Variants in RYK observed in about 807,000 individuals in gnomAD.
The protein encoded by RYK is receptor like tyrosine kinase.
In RYK, 21 loss-of-function variants were observed where a neutral mutation model predicts 70.2. That is an observed-to-expected ratio of 0.30 (90% CI 0.21 to 0.43). The LOEUF (loss-of-function observed/expected upper bound fraction) is 0.43, where lower values mean the gene tolerates loss of function less well. RYK is among the 20% of genes least tolerant of loss of function. The pLI is 1.00. For synonymous variants in RYK, 267 were observed against 278.0 expected (o/e 0.96, Z 0.39); for missense variants, 604 against 753.3 (o/e 0.80, Z 2.32).
intron 1 of RYK, among the ~76,000 whole-genome samples, chr3:134,244,280 CCA>C (rs1191143837): frequency 2.0e-5 from 3 of 152,116 alleles, no homozygotes; most frequent in South Asian, 2.1e-4. Flanking sequence ...CTCCGGAATT[CCA>C]CAGAGCTCAG....
intron 2 of RYK, 85 bp downstream of exon 2, chr3:134,222,333 G>T: frequency 7.0e-7 from 1 of 1,424,008 alleles, no homozygotes; most frequent in Non-Finnish European, 9.9e-7. Context: ...CTTCAGTACA[G>T]ACAGCAGCCC....
intron 6 of RYK, among the ~76,000 whole-genome samples, chr3:134,200,990 T>C (rs1256874507): frequency 2.6e-5 from 4 of 152,224 alleles, no homozygotes; most frequent in Admixed American, 6.5e-5. Flanking sequence ...AATTCTGGCC[T>C]ATGTGGGCTC....
chr3:134,223,479 CAAAA>C (rs2107686009), intron 1 of RYK, among the ~76,000 whole-genome samples: 1 of 151,590 alleles, frequency 6.6e-6, no homozygotes, highest in Non-Finnish European at 1.5e-5. Context: ...ATCAAAAAAA[CAAAA>C]GAAAAACAAA....
chr3:134,248,628 C>T (rs189809836), intron 1 of RYK, among the ~76,000 whole-genome samples: 78 of 152,146 alleles, frequency 5.1e-4, no homozygotes, highest in African/African-American at 1.9e-3. Context: ...ACCAGCCTGA[C>T]CAACATGGTG....
chr3:134,236,378 C>G (rs2015201661), intron 1 of RYK, among the ~76,000 whole-genome samples: 1 of 152,204 alleles, frequency 6.6e-6, no homozygotes, highest in South Asian at 2.1e-4. Flanking sequence ...GAATAAAATA[C>G]TTAGGAATAA....
chr3:134,245,326 T>G (rs772994141), intron 1 of RYK, among the ~76,000 whole-genome samples: 1 of 152,012 alleles, frequency 6.6e-6, no homozygotes, highest in Non-Finnish European at 1.5e-5. Flanking sequence ...GGAATGACCA[T>G]AATCCCTTAC....
intron 2 of RYK, among the ~76,000 whole-genome samples, chr3:134,212,967 A>G (rs2014446175): frequency 6.6e-6 from 1 of 152,206 alleles, no homozygotes; most frequent in African/African-American, 2.4e-5. Context: ...GCTGTGTTTG[A>G]TAAGTGCCAC....
At chr3:134,246,696 C>T (rs955753325) in intron 1 of RYK, among the ~76,000 whole-genome samples, 3 of 152,126 alleles carry the variant, frequency 2.0e-5, no homozygotes, top group Non-Finnish European at 2.9e-5. Context: ...AGTATGAGGA[C>T]AGGATAGATA....
Position 134,211,503 on chromosome 3 carries a change from C to T in RYK, c.454+5G>A. 1 of 1,603,604 alleles carries T rather than the reference C, an allele frequency of 6.2e-7. No individual in the cohort carries two copies. Among genetic ancestry groups the T allele is most frequent in the Non-Finnish European group, 8.5e-7 (1 of 1,172,522 alleles). On this transcript the variant is annotated splice_donor_5th_base_variant and intron_variant, in intron 3 of 14. Transcript: ENST00000623711. ...TTAACTCTGTCTTTGAAGACTCTTA[C>T]TTACCTGATAAAGTGCGTGGAACTT...
chr3:134,160,119 C>A (rs2012406974), intron 13 of RYK, among the ~76,000 whole-genome samples: 2 of 152,160 alleles, frequency 1.3e-5, no homozygotes, highest in African/African-American at 4.8e-5. Context: ...ACCCTGAGGT[C>A]AGAACAACTG....
intron 14 of RYK, 125 bp from the exon 15 acceptor site, chr3:134,158,389 C>T (rs1265194273): frequency 9.4e-6 from 4 of 424,512 alleles, no homozygotes; most frequent in East Asian, 3.5e-5. Flanking sequence ...ATATTAAAAA[C>T]GGATCCATTT....
chr3:134,249,025 G>A (rs773455899), intron 1 of RYK, among the ~76,000 whole-genome samples: 18 of 152,060 alleles, frequency 1.2e-4, no homozygotes, highest in Non-Finnish European at 2.2e-4. Context: ...TGTAAACAAA[G>A]TCACAAGCTA....
chr3:134,244,234 T>G (rs959139637), intron 1 of RYK, among the ~76,000 whole-genome samples: 4 of 152,148 alleles, frequency 2.6e-5, no homozygotes, highest in African/African-American at 9.7e-5. Flanking sequence ...CTTCCCAAGC[T>G]TCTGGCACTG....
At chr3:134,189,825 G>A (rs1363044839) in intron 8 of RYK, among the ~76,000 whole-genome samples, 1 of 151,262 alleles carries the variant, frequency 6.6e-6, no homozygotes, top group African/African-American at 2.4e-5. Context: ...TGCTAGGGAA[G>A]GAACTAAGAA....
At chr3:134,200,903 A>G (rs1208974484) in intron 6 of RYK, among the ~76,000 whole-genome samples, 1 of 152,256 alleles carries the variant, frequency 6.6e-6, no homozygotes, top group African/African-American at 2.4e-5. Context: ...GAGAACTGGA[A>G]CACCAATTCA....
At chr3:134,192,013 C>T in intron 7 of RYK, 39 bp from the exon 8 acceptor site, 4 of 1,606,298 alleles carry the variant, frequency 2.5e-6, no homozygotes, top group South Asian at 1.1e-5. Flanking sequence ...AATATAAATA[C>T]CCTTATTATG....
At chr3:134,203,193 C>G (rs1038855880) in intron 5 of RYK, among the ~76,000 whole-genome samples, 1 of 152,062 alleles carries the variant, frequency 6.6e-6, no homozygotes, top group African/African-American at 2.4e-5. Context: ...ACTAAAAGTA[C>G]GAAAATTAGC....
chr3:134,201,614 T>C (rs2014023956), intron 6 of RYK, among the ~76,000 whole-genome samples: 1 of 152,154 alleles, frequency 6.6e-6, no homozygotes, highest in African/African-American at 2.4e-5. Flanking sequence ...GGAGCTGGAA[T>C]TTGAAGAACG....
At chr3:134,218,121 A>G (rs188595457) in intron 2 of RYK, among the ~76,000 whole-genome samples, 14 of 152,308 alleles carry the variant, frequency 9.2e-5, no homozygotes, top group African/African-American at 3.1e-4. Context: ...TCACTCTATT[A>G]TGAGTAAAAT....
Sources: allele counts gnomAD v4.1 joint callset (sites outside exome capture counted in the v4.1 genomes callset), GRCh38; gene constraint gnomAD v4.1.1; transcripts MANE v1.5; gene names NCBI Gene and HGNC (gene_info 2026-07-23, HGNC 2026-07-21).